The following GALNT16 variants were observed in gnomAD, a reference collection of about 807,000 sequenced individuals.
GALNT16 encodes the protein polypeptide N-acetylgalactosaminyltransferase 16.
GALNT16 carries 40 observed loss-of-function variants against 76.1 expected under a neutral mutation model. The ratio of observed to expected loss-of-function variants is 0.53; its 90% CI spans 0.41 to 0.68. The LOEUF (loss-of-function observed/expected upper bound fraction) is 0.68. GALNT16 is among the 30% of genes least tolerant of loss of function. The pLI, the probability that GALNT16 is intolerant of heterozygous loss-of-function variation, is 0.00. For missense variants in GALNT16, 621 were observed against 731.9 expected, an observed-to-expected ratio of 0.85 and a Z score of 1.75; for synonymous variants, 276 against 285.2, an observed-to-expected ratio of 0.97 and a Z score of 0.32.
rs1420577777 is a variant in GALNT16, at chr14:69,261,238, C to T, written c.177+771C>T. ...GGGGGCGGCGGCGGGGCTGCGGGGG[C>T]CCTTGGCGCTCTGGGGACCCGGGCG... On this transcript the variant is annotated intron_variant, in intron 1 of 14. Coordinates refer to ENST00000448469, the MANE Select transcript of GALNT16 (RefSeq NM_001168368.2). This position sits in a 1 kb window ranked among gnomAD's most constrained non-coding sequence, Gnocchi z 6.4. Among the ~76,000 whole-genome samples the T allele has an allele frequency of 6.6e-6, 1 of 152,116 alleles. No individual in the cohort carries two copies. The highest frequency in any genetic ancestry group is 6.5e-5 in the Admixed American group (1 of 15,278).
At chr14:69,345,364 G>A (rs76286873) in intron 12 of GALNT16, among the ~76,000 whole-genome samples, 18 of 152,262 alleles carry the variant, frequency 1.2e-4, no homozygotes, top group Admixed American at 2.0e-4. Context: ...AATTGAAAGG[G>A]TCTCTCTGAG....
At chr14:69,339,735 G>T in intron 11 of GALNT16, 116 bp downstream of exon 11, 3 of 635,812 alleles carry the variant, frequency 4.7e-6, no homozygotes, top group East Asian at 2.9e-5. Context: ...AGCCACTGAG[G>T]TCCCACTCTA....
intron 3 of GALNT16, 128 bp downstream of exon 3, chr14:69,324,918 T>C: frequency 3.4e-6 from 2 of 595,522 alleles, no homozygotes; most frequent in Non-Finnish European, 5.9e-6. Context: ...TCTGAGAGGC[T>C]GAGACTGGTG....
intron 1 of GALNT16, among the ~76,000 whole-genome samples, chr14:69,262,973 G>A (rs925912065): frequency 6.6e-6 from 1 of 151,368 alleles, no homozygotes; most frequent in Non-Finnish European, 1.5e-5. Flanking sequence ...TCCACCTCCC[G>A]GGTTCAAGCG....
chr14:69,385,156 T>C, the GALNT16 span, among the ~76,000 whole-genome samples: 1 of 152,128 alleles, frequency 6.6e-6, no homozygotes, highest in African/African-American at 2.4e-5. Context: ...GCCCTCAACC[T>C]TTAGCAAAAT....
At chr14:69,365,729 G>C in the GALNT16 span, among the ~76,000 whole-genome samples, 1 of 151,996 alleles carries the variant, frequency 6.6e-6, no homozygotes, top group Non-Finnish European at 1.5e-5. Flanking sequence ...CATGGCACAC[G>C]TTCACCTATG....
chr14:69,301,217 TTA>T (rs1491455241), intron 1 of GALNT16, among the ~76,000 whole-genome samples: 2 of 152,092 alleles, frequency 1.3e-5, no homozygotes, highest in African/African-American at 2.4e-5. Flanking sequence ...GCGTGAGAGT[TTA>T]TGTGTGCTTT....
chr14:69,381,165 T>A, the GALNT16 span, among the ~76,000 whole-genome samples: 2 of 152,126 alleles, frequency 1.3e-5, no homozygotes, highest in African/African-American at 4.8e-5. Context: ...CCTGTAGTCC[T>A]GCCTACTCAG....
At chr14:69,283,507 C>A (rs776230448) in intron 1 of GALNT16, among the ~76,000 whole-genome samples, 1 of 152,168 alleles carries the variant, frequency 6.6e-6, no homozygotes, top group Non-Finnish European at 1.5e-5. Flanking sequence ...GACTCTTGGG[C>A]TCAGGCTGGT....
At chr14:69,259,792 C>T (rs1473065636), upstream of GALNT16, 2 of 157,466 alleles carry the variant, frequency 1.3e-5, no homozygotes, top group Non-Finnish European at 2.8e-5. Flanking sequence ...GCCGCTCGGT[C>T]CGGGGGTGGG....
Position 69,260,362 on chromosome 14 carries a change from A to T in GALNT16, c.72A>T (p.Leu24Phe). 6.2e-7 allele frequency: 1 copy of T among 1,611,524 alleles called. No homozygotes were observed. ...VAWILGTFYYLWQDNRAHAAS... is the reference protein window; with the variant it reads ...VAWILGTFYYFWQDNRAHAAS... Reference sequence around the variant, plus strand: ...GGATCCTGGGCACTTTCTACTACTTATGGCAGGACAACCGAGCCCACGCAG... The same window carrying T: ...GGATCCTGGGCACTTTCTACTACTTTTGGCAGGACAACCGAGCCCACGCAG... The change falls in exon 1 of 15, where the codon TTA becomes TTT. Residue 24 changes from leucine to phenylalanine, a missense_variant. Leu to Phe is a conservative substitution (Grantham distance 22). Coordinates refer to ENST00000448469, the MANE Select transcript of GALNT16 (RefSeq NM_001168368.2).
At chr14:69,327,722 G>A (rs1349929042) in intron 5 of GALNT16, among the ~76,000 whole-genome samples, 3 of 152,164 alleles carry the variant, frequency 2.0e-5, no homozygotes, top group Non-Finnish European at 2.9e-5. Flanking sequence ...CAGCTCACAG[G>A]GCACACATGG....
chr14:69,285,033 G>A (rs979039042), intron 1 of GALNT16, among the ~76,000 whole-genome samples: 3 of 145,542 alleles, frequency 2.1e-5, no homozygotes, highest in African/African-American at 5.0e-5. Context: ...ACCCAGTCTC[G>A]GGCACTCTTT....
At chr14:69,371,899 G>A in the GALNT16 span, among the ~76,000 whole-genome samples, 5 of 151,950 alleles carry the variant, frequency 3.3e-5, no homozygotes, top group Non-Finnish European at 5.9e-5. Flanking sequence ...AGCCGAGATC[G>A]TGCCACTGCA....
chr14:69,296,254 T>G (rs1302774902), intron 1 of GALNT16, among the ~76,000 whole-genome samples: 1 of 152,126 alleles, frequency 6.6e-6, no homozygotes, highest in Non-Finnish European at 1.5e-5. Flanking sequence ...CCAAGGGGGA[T>G]GGTGTTAAAC....
At chr14:69,336,270 C>T (rs1213318567) in intron 9 of GALNT16, among the ~76,000 whole-genome samples, 2 of 152,170 alleles carry the variant, frequency 1.3e-5, no homozygotes, top group Non-Finnish European at 2.9e-5. Flanking sequence ...CCACCAGGCC[C>T]GGCTAATTTT....
intron 14 of GALNT16, chr14:69,351,733 C>A: frequency 3.9e-6 from 1 of 258,350 alleles, no homozygotes; most frequent in East Asian, 1.0e-4. Flanking sequence ...GGCAACATAG[C>A]AAGACCCAGT....
chr14:69,280,179 AT>A (rs571221763), intron 1 of GALNT16, among the ~76,000 whole-genome samples: 295 of 152,276 alleles, frequency 1.9e-3, no homozygotes, highest in African/African-American at 6.7e-3. Flanking sequence ...GTCTACGCCC[AT>A]TAAACACTAA....
chr14:69,264,541 A>G (rs2044315719), intron 1 of GALNT16, among the ~76,000 whole-genome samples: 1 of 152,176 alleles, frequency 6.6e-6, no homozygotes, highest in African/African-American at 2.4e-5. Flanking sequence ...GATGCAAATG[A>G]TGGCTTTTCT....
Sources: allele counts gnomAD v4.1 joint callset (sites outside exome capture counted in the v4.1 genomes callset), GRCh38; gene constraint gnomAD v4.1.1; non-coding constraint Gnocchi (gnomAD v3.1); transcripts MANE v1.5; gene names NCBI Gene and HGNC (gene_info 2026-07-23, HGNC 2026-07-21).